The following REV1 variants were observed in gnomAD, a reference collection of about 807,000 sequenced individuals.
REV1 encodes the protein REV1 DNA directed polymerase, also known as translesion synthesis protein REV1.
A neutral mutation model predicts 137.4 loss-of-function variants in REV1; 42 were observed. That is an observed-to-expected ratio of 0.31 (90% CI 0.24 to 0.40). The LOEUF (loss-of-function observed/expected upper bound fraction) is 0.40, where lower values mean the gene tolerates loss of function less well. Ranked by LOEUF, REV1 falls within the 10% of genes least tolerant of loss-of-function variation. The pLI is 1.00. For missense variants in REV1, 1,282 were observed against 1,490.1 expected (o/e 0.86, Z 2.30); for synonymous variants, 524 against 519.2 (o/e 1.01, Z -0.12).
chr2:99,404,791 A>C, intron 17 of REV1, 114 bp from the exon 18 acceptor site: 1 of 769,770 alleles, frequency 1.3e-6, no homozygotes, highest in Non-Finnish European at 2.1e-6. Context: ...AATCAATGTA[A>C]GGTACAGACC....
At chr2:99,474,314 A>T (rs1685735723) in intron 1 of REV1, among the ~76,000 whole-genome samples, 1 of 152,208 alleles carries the variant, frequency 6.6e-6, no homozygotes, top group Admixed American at 6.5e-5. Context: ...AGAAGCTAAA[A>T]AGTTCTGTAA....
intron 9 of REV1, chr2:99,424,961 T>A: frequency 8.7e-7 from 1 of 1,149,588 alleles, no homozygotes; most frequent in South Asian, 1.6e-5. Flanking sequence ...CCTTTGACAT[T>A]TGGAGCATTC....
At chr2:99,475,483 C>CTTAGAAG (rs1685871191) in intron 1 of REV1, among the ~76,000 whole-genome samples, 1 of 152,178 alleles carries the variant, frequency 6.6e-6, no homozygotes, top group Non-Finnish European at 1.5e-5. Flanking sequence ...AGAGAAGTTA[C>CTTAGAAG]TATTTATTTC....
At chr2:99,436,175 T>C (rs1362169048) in intron 6 of REV1, among the ~76,000 whole-genome samples, 4 of 152,226 alleles carry the variant, frequency 2.6e-5, no homozygotes, top group Non-Finnish European at 5.9e-5. Context: ...TGCTGATTAT[T>C]TTATAAAAAT....
chr2:99,401,128 T>C lies in REV1; in HGVS notation c.*113A>G, dbSNP rs1559267460. The stretch of plus-strand genomic sequence containing the variant: ...AAAGAAATGTACAAAACACTTGCTT[T>C]AAAAGAAATTTAAAATTATAAAAAC... On this transcript the variant is annotated 3_prime_UTR_variant, in exon 23 of 23. Transcript: ENST00000258428. The C allele has an allele frequency of 8.7e-6, 5 of 572,716 alleles. No individual in the cohort carries two copies. The South Asian group carries it at 1.0e-4, about 11-fold the overall frequency. 35.5% of individuals were successfully genotyped at this position (572,716 alleles called of 1,614,324 possible).
At chr2:99,489,464 C>G (rs1338848479) in intron 1 of REV1, among the ~76,000 whole-genome samples, 1 of 150,668 alleles carries the variant, frequency 6.6e-6, no homozygotes, top group African/African-American at 2.4e-5. Context: ...CTGACCGGGC[C>G]GGCGGGATGC....
At chr2:99,442,602 T>C (rs1681661309) in intron 4 of REV1, 133 bp from the exon 5 acceptor site, 2 of 824,018 alleles carry the variant, frequency 2.4e-6, no homozygotes, top group Admixed American at 2.6e-5. Flanking sequence ...TTATTCCTTC[T>C]TGCTCGGTTT....
Position 99,400,485 on chromosome 2 carries a change from A to T in REV1, c.*756T>A, listed in dbSNP as rs1255863468. 4 of 152,230 alleles carry T rather than the reference A, an allele frequency of 2.6e-5. No homozygotes were observed. In the East Asian group the frequency reaches 7.7e-4, roughly 29 times the overall value. 9.4% of individuals were successfully genotyped at this position (152,230 alleles called of 1,614,324 possible). A position where few individuals can be genotyped will look rare whatever the true frequency, so the allele number is the denominator to read the frequency against. On this transcript the variant is annotated 3_prime_UTR_variant, in exon 23 of 23. Coordinates refer to ENST00000258428, the MANE Select transcript of REV1 (RefSeq NM_016316.4). ...AAATATCCACTAGCATAGAATTTTA[A>T]ACTATTTTTATTTTAAAGTTATGGC... is the stretch of plus-strand genomic sequence containing the variant.
In REV1 at chr2:99,488,168, G is replaced by A. The variant is rs1402610234; in HGVS notation, c.-11+1649C>T. 2.5e-5 allele frequency among the ~76,000 whole-genome samples: 3 copies of A among 118,816 alleles called. 1 individual carries two copies. Among genetic ancestry groups the A allele is most frequent in the Non-Finnish European group, 5.5e-5 (3 of 54,626 alleles). 77.9% of individuals were successfully genotyped at this position (118,816 alleles called of 152,430 possible). Reference sequence around the variant, plus strand: ...CAAATATATATTATATGTAGTCACTGCAACTTCTTATGAATAATGACCAGT... The same window carrying A: ...CAAATATATATTATATGTAGTCACTACAACTTCTTATGAATAATGACCAGT... On this transcript the variant is annotated intron_variant, in intron 1 of 22. Transcript: ENST00000258428.
chr2:99,413,458 AATGTTAC>A (rs1212867449), intron 12 of REV1, among the ~76,000 whole-genome samples: 2 of 152,230 alleles, frequency 1.3e-5, no homozygotes, highest in Non-Finnish European at 2.9e-5. Flanking sequence ...AAAGTCCAGA[AATGTTAC>A]ATGCTATCAC....
At chr2:99,425,423 T>G (rs576158894) in intron 9 of REV1, among the ~76,000 whole-genome samples, 120 of 152,288 alleles carry the variant, frequency 7.9e-4, no homozygotes, top group African/African-American at 2.9e-3. Context: ...AAACAATTCT[T>G]GATGTGTCGA....
At chr2:99,433,684 T>A (rs533985510) in intron 8 of REV1, among the ~76,000 whole-genome samples, 1 of 152,194 alleles carries the variant, frequency 6.6e-6, no homozygotes, top group African/African-American at 2.4e-5. Context: ...CTCTTTGGCT[T>A]TGCAAAACAA....
At chr2:99,423,794 TA>T (rs1225457640) in intron 10 of REV1, among the ~76,000 whole-genome samples, 1 of 152,148 alleles carries the variant, frequency 6.6e-6, no homozygotes, top group African/African-American at 2.4e-5. Context: ...AACAAAACTA[TA>T]ATTAAAATGA....
intron 2 of REV1, 114 bp from the exon 3 acceptor site, chr2:99,462,736 G>C: frequency 2.9e-6 from 3 of 1,049,902 alleles, no homozygotes; most frequent in Non-Finnish European, 4.2e-6. Flanking sequence ...CTGTGCTAGT[G>C]ACCAGAACAT....
At position 99,438,937 on chromosome 2, in the gene REV1, G is replaced by A. The variant is rs762783858; in HGVS notation, c.877C>T (p.His293Tyr). Residue 293 changes from histidine (H) to tyrosine (Y), a missense_variant, in exon 6 of 23, where the codon CAC (histidine) becomes TAC (tyrosine). Transcript: ENST00000258428. ...GATAATGAGAAAGAATTAGTTCTGT[G>A]TGGATTCCGCAAAGCATCTGTGTTT... ...TRNTDALRNP[H>Y]RTNSFSLSPL... 6.2e-7 allele frequency: 1 copy of A among 1,614,188 alleles called. No homozygotes were observed. The highest frequency in any genetic ancestry group is 1.7e-5 in the Admixed American group (1 of 60,030).
intron 1 of REV1, among the ~76,000 whole-genome samples, chr2:99,481,657 G>A (rs1686622687): frequency 6.6e-6 from 1 of 151,698 alleles, no homozygotes; most frequent in South Asian, 2.1e-4. Context: ...GAGGCCAGGA[G>A]TCTGAAACCA....
intron 14 of REV1, among the ~76,000 whole-genome samples, chr2:99,409,949 T>C (rs771939229): frequency 7.3e-5 from 11 of 150,632 alleles, no homozygotes; most frequent in Non-Finnish European, 1.2e-4. Flanking sequence ...ATTAAATGTA[T>C]ACACCTATGT....
intron 3 of REV1, among the ~76,000 whole-genome samples, chr2:99,450,536 A>G (rs1353576468): frequency 1.3e-5 from 2 of 152,344 alleles, no homozygotes; most frequent in East Asian, 3.9e-4. Flanking sequence ...TTTAGTTTCT[A>G]GAAGATAAAA....
intron 21 of REV1, 27 bp downstream of exon 21, chr2:99,402,617 G>A (rs1675634666): frequency 1.2e-6 from 2 of 1,602,830 alleles, no homozygotes; most frequent in Non-Finnish European, 1.7e-6. Flanking sequence ...TCTCAGCCTT[G>A]GGCCATCTAA....
Sources: allele counts gnomAD v4.1 joint callset (sites outside exome capture counted in the v4.1 genomes callset), GRCh38; gene constraint gnomAD v4.1.1; transcripts MANE v1.5; gene names NCBI Gene and HGNC (gene_info 2026-07-23, HGNC 2026-07-21).